The following KCNH8 variants were observed in gnomAD, a reference collection of about 807,000 sequenced individuals.
The protein encoded by KCNH8 is potassium voltage-gated channel subfamily H member 8, also known as voltage-gated delayed rectifier potassium channel KCNH8.
KCNH8 carries 70 observed loss-of-function variants against 103.6 expected under a neutral mutation model. The observed-to-expected ratio is 0.68, with a 90% CI of 0.56 to 0.82. The LOEUF is 0.82. Ranked by LOEUF, KCNH8 falls within the 40% of genes least tolerant of loss-of-function variation. The pLI is 0.00. For synonymous variants in KCNH8, 498 were observed against 489.4 expected (o/e 1.02, Z -0.23); for missense variants, 1,217 against 1,329.9 (o/e 0.92, Z 1.32).
intron 1 of KCNH8, among the ~76,000 whole-genome samples, chr3:19,153,954 C>A (rs2063155974): frequency 6.6e-6 from 1 of 152,032 alleles, no homozygotes; most frequent in South Asian, 2.1e-4. Context: ...TAATAATATT[C>A]AATGAATACC....
intron 15 of KCNH8, among the ~76,000 whole-genome samples, chr3:19,528,550 G>A (rs1360003237): frequency 6.6e-6 from 1 of 152,078 alleles, no homozygotes; most frequent in African/African-American, 2.4e-5. Flanking sequence ...TGAAGGGATA[G>A]TCAAGGCTTT....
chr3:19,168,762 T>C (rs1382740872), intron 1 of KCNH8, among the ~76,000 whole-genome samples: 2 of 152,228 alleles, frequency 1.3e-5, no homozygotes, highest in Non-Finnish European at 2.9e-5. Flanking sequence ...AGGAAGTGTT[T>C]AAAGGATTAA....
At chr3:19,337,049 A>G (rs2065594195) in intron 3 of KCNH8, among the ~76,000 whole-genome samples, 1 of 152,044 alleles carries the variant, frequency 6.6e-6, no homozygotes, top group Non-Finnish European at 1.5e-5. Context: ...AACACAGATA[A>G]GTAAAAAAAT....
chr3:19,213,254 T>C (rs971995305), intron 1 of KCNH8, among the ~76,000 whole-genome samples: 7 of 152,214 alleles, frequency 4.6e-5, no homozygotes, highest in Admixed American at 4.6e-4. Context: ...TGCAATCCTA[T>C]CTTTTTTAAT....
At chr3:19,471,152 C>CA (rs1226460000) in intron 11 of KCNH8, among the ~76,000 whole-genome samples, 2 of 152,062 alleles carry the variant, frequency 1.3e-5, no homozygotes, top group African/African-American at 4.8e-5. Flanking sequence ...ATGAACAAGA[C>CA]AAAAAAGTTT....
chr3:19,153,505 G>T (rs1050643793), intron 1 of KCNH8, among the ~76,000 whole-genome samples: 1 of 152,002 alleles, frequency 6.6e-6, no homozygotes, highest in Admixed American at 6.6e-5. Context: ...TGAGTTACTA[G>T]TTTCTGAGAT....
In KCNH8 at chr3:19,509,454, A is replaced by G. The variant is rs558375585; in HGVS notation, c.2041-909A>G. ...AAATGAAAGAAGTGTATTTGAGCAA[A>G]AAACAATGTAGATAATATCAGAAGC... On this transcript the variant is annotated intron_variant, in intron 11 of 15. Coordinates refer to ENST00000328405, the MANE Select transcript of KCNH8 (RefSeq NM_144633.3). Among the ~76,000 whole-genome samples, 9 of 152,306 alleles carry G rather than the reference A, an allele frequency of 5.9e-5. 1 individual carries two copies. Among genetic ancestry groups the G allele is most frequent in the African/African-American group, 2.2e-4 (9 of 41,574 alleles).
intron 5 of KCNH8, among the ~76,000 whole-genome samples, chr3:19,359,939 T>G (rs1341340454): frequency 6.6e-6 from 1 of 152,040 alleles, no homozygotes; most frequent in Non-Finnish European, 1.5e-5. Flanking sequence ...ACTGGATACC[T>G]TCTGTGAACT....
chr3:19,532,241 G>A (rs537690767), intron 15 of KCNH8, among the ~76,000 whole-genome samples: 1 of 152,138 alleles, frequency 6.6e-6, no homozygotes, highest in African/African-American at 2.4e-5. Flanking sequence ...ACAGCTAAAT[G>A]TCTCACCTAG....
At position 19,280,141 on chromosome 3, in the gene KCNH8, A is replaced by G. The variant is rs150641890; in HGVS notation, c.311-1057A>G. Reference sequence around the variant, plus strand: ...ATTTTTTTACATATTTCTAAAATACATATTTTAAAATATATTTAAACATTG... The same window carrying G: ...ATTTTTTTACATATTTCTAAAATACGTATTTTAAAATATATTTAAACATTG... On this transcript the variant is annotated intron_variant, in intron 2 of 15. Coordinates refer to ENST00000328405, the MANE Select transcript of KCNH8 (RefSeq NM_144633.3). 2.6e-5 allele frequency among the ~76,000 whole-genome samples: 4 copies of G among 152,238 alleles called. No homozygotes were observed. The South Asian group carries it at 8.3e-4, about 32-fold the overall frequency.
At chr3:19,335,558 T>C (rs568523205) in intron 3 of KCNH8, among the ~76,000 whole-genome samples, 2 of 150,490 alleles carry the variant, frequency 1.3e-5, no homozygotes, top group Non-Finnish European at 3.0e-5. Context: ...GAGTTGTAGA[T>C]GTATTCAGAA....
At chr3:19,299,030 T>C (rs1292939022) in intron 3 of KCNH8, among the ~76,000 whole-genome samples, 1 of 151,900 alleles carries the variant, frequency 6.6e-6, no homozygotes, top group African/African-American at 2.4e-5. Flanking sequence ...AGCCTATGTT[T>C]TGAGCAGAGT....
At chr3:19,430,641 C>T (rs9860121) in intron 7 of KCNH8, among the ~76,000 whole-genome samples, 109,177 of 152,014 alleles carry the variant, frequency 0.72, 40,551 homozygotes, top group African/African-American at 0.93. Context: ...CATTTGTTTC[C>T]GTCATCTCTG....
At chr3:19,351,529 C>T (rs1415063974) in intron 5 of KCNH8, among the ~76,000 whole-genome samples, 10 of 152,236 alleles carry the variant, frequency 6.6e-5, no homozygotes, top group South Asian at 6.2e-4. Flanking sequence ...AGACTAACAG[C>T]GGATCTCTTG....
intron 6 of KCNH8, among the ~76,000 whole-genome samples, chr3:19,393,065 G>A (rs1056200064): frequency 6.6e-6 from 1 of 151,916 alleles, no homozygotes; most frequent in African/African-American, 2.4e-5. Context: ...GCTAGGAGAT[G>A]ACCATGTCCA....
chr3:19,510,465 CT>C (rs2068764733), intron 12 of KCNH8, 64 bp downstream of exon 12: 1 of 991,076 alleles, frequency 1.0e-6, no homozygotes, highest in South Asian at 1.3e-5. Context: ...ATAAATCTGT[CT>C]TGTCTTTCTC....
intron 7 of KCNH8, among the ~76,000 whole-genome samples, chr3:19,429,054 T>C (rs2067074492): frequency 6.6e-6 from 1 of 152,106 alleles, no homozygotes; most frequent in African/African-American, 2.4e-5. Flanking sequence ...TGAAAACTTA[T>C]TTTGGAATGT....
chr3:19,389,259 A>G (rs566689425), intron 5 of KCNH8, among the ~76,000 whole-genome samples: 1 of 152,304 alleles, frequency 6.6e-6, no homozygotes, highest in East Asian at 1.9e-4. Flanking sequence ...CAAAAGGCTG[A>G]CATCAAAATA....
intron 1 of KCNH8, among the ~76,000 whole-genome samples, chr3:19,186,337 G>C (rs1415497772): frequency 6.7e-6 from 1 of 150,276 alleles, no homozygotes; most frequent in East Asian, 1.9e-4. Flanking sequence ...TACTGAGCTT[G>C]AAATGAATGT....
Sources: allele counts gnomAD v4.1 joint callset (sites outside exome capture counted in the v4.1 genomes callset), GRCh38; gene constraint gnomAD v4.1.1; transcripts MANE v1.5; gene names NCBI Gene and HGNC (gene_info 2026-07-23, HGNC 2026-07-21).